IMMP1L: variants seen among roughly 807,000 people sequenced by gnomAD.
The protein encoded by IMMP1L is mitochondrial inner membrane protease subunit 1.
Under a neutral mutation model 21.8 loss-of-function variants are expected in IMMP1L, and 24 were observed. That is an observed-to-expected ratio of 1.10 (90% CI 0.80 to 1.55). IMMP1L has a LOEUF of 1.55. IMMP1L is among the 40% of genes most tolerant of loss of function. The pLI is 0.00. For synonymous variants in IMMP1L, 46 were observed against 62.8 expected, an observed-to-expected ratio of 0.73 and a Z score of 1.26; for missense variants, 195 against 200.7, an observed-to-expected ratio of 0.97 and a Z score of 0.17.
chr11:31,508,054 T>A (rs1955837030), intron 1 of IMMP1L, among the ~76,000 whole-genome samples: 1 of 152,108 alleles, frequency 6.6e-6, no homozygotes, highest in African/African-American at 2.4e-5. Flanking sequence ...AGCTAATGGA[T>A]GCTGGGCTTA....
chr11:31,470,142 C>A (rs1368343635), intron 1 of IMMP1L, among the ~76,000 whole-genome samples: 4 of 152,172 alleles, frequency 2.6e-5, no homozygotes, highest in Non-Finnish European at 5.9e-5. Flanking sequence ...GGGCTGGGTG[C>A]AGTGGCTCAT....
At chr11:31,484,873 T>G (rs1364466260) in intron 1 of IMMP1L, among the ~76,000 whole-genome samples, 1 of 151,914 alleles carries the variant, frequency 6.6e-6, no homozygotes, top group South Asian at 2.1e-4. Context: ...CAGATGCAAA[T>G]GTAAAATTTG....
intron 1 of IMMP1L, among the ~76,000 whole-genome samples, chr11:31,464,708 A>G (rs1297030995): frequency 6.6e-6 from 1 of 152,226 alleles, no homozygotes; most frequent in African/African-American, 2.4e-5. Flanking sequence ...ATCTCAATAG[A>G]TGCAGAAAAA....
intron 1 of IMMP1L, among the ~76,000 whole-genome samples, chr11:31,500,279 C>T (rs1270920589): frequency 6.6e-6 from 1 of 151,720 alleles, no homozygotes; most frequent in Non-Finnish European, 1.5e-5. Context: ...AAAGAGCCAA[C>T]ATTTAAGGAA....
intron 4 of IMMP1L, chr11:31,437,276 C>A (rs1283657945): frequency 6.7e-6 from 2 of 299,422 alleles, no homozygotes; most frequent in Admixed American, 7.5e-5. Flanking sequence ...TTCATATACA[C>A]CTCATATATA....
At chr11:31,478,769 T>C (rs1403659667) in intron 1 of IMMP1L, among the ~76,000 whole-genome samples, 2 of 152,158 alleles carry the variant, frequency 1.3e-5, no homozygotes, top group East Asian at 3.8e-4. Flanking sequence ...CCATTTTAAA[T>C]AAAATATGTA....
chr11:31,440,491 A>G (rs533887095), intron 4 of IMMP1L, among the ~76,000 whole-genome samples: 19 of 152,250 alleles, frequency 1.2e-4, no homozygotes, highest in African/African-American at 4.1e-4. Flanking sequence ...CCCAGGCTCA[A>G]GCGATTCTCC....
chr11:31,491,296 A>G (rs1017489812), intron 1 of IMMP1L, among the ~76,000 whole-genome samples: 8 of 152,238 alleles, frequency 5.3e-5, no homozygotes, highest in African/African-American at 9.6e-5. Context: ...AGAGGTAAAG[A>G]AAGCTATCAC....
chr11:31,489,105 G>A (rs1955174310), intron 1 of IMMP1L, among the ~76,000 whole-genome samples: 1 of 151,912 alleles, frequency 6.6e-6, no homozygotes, highest in Non-Finnish European at 1.5e-5. Context: ...CACCGTGTTA[G>A]CCAGGATGCT....
At chr11:31,454,449 CA>C (rs71463320) in intron 4 of IMMP1L, among the ~76,000 whole-genome samples, 4,741 of 30,150 alleles carry the variant, frequency 0.16, 61 homozygotes, top group African/African-American at 0.31. Context: ...AAGACCATGT[CA>C]AAAAAAAAAA....
At chr11:31,487,961 A>G (rs907724465) in intron 1 of IMMP1L, among the ~76,000 whole-genome samples, 11 of 152,148 alleles carry the variant, frequency 7.2e-5, no homozygotes, top group African/African-American at 2.7e-4. Flanking sequence ...AATGTAGCCA[A>G]AGATTCCCCT....
chr11:31,442,554 C>G (rs1953373535), intron 4 of IMMP1L, among the ~76,000 whole-genome samples: 1 of 152,178 alleles, frequency 6.6e-6, no homozygotes, highest in African/African-American at 2.4e-5. Context: ...ATCCTAAGAA[C>G]AGACTGATTT....
At chr11:31,494,046 G>C (rs995611292) in intron 1 of IMMP1L, among the ~76,000 whole-genome samples, 4 of 152,180 alleles carry the variant, frequency 2.6e-5, no homozygotes, top group Admixed American at 2.6e-4. Context: ...CTACCATTCC[G>C]GGGTCTGGAG....
intron 4 of IMMP1L, among the ~76,000 whole-genome samples, chr11:31,451,369 T>C (rs1389581578): frequency 2.0e-5 from 3 of 152,142 alleles, no homozygotes; most frequent in Non-Finnish European, 4.4e-5. Flanking sequence ...CAAAAATTAT[T>C]GCAACAAAAT....
intron 1 of IMMP1L, among the ~76,000 whole-genome samples, chr11:31,496,772 G>A (rs1181744287): frequency 6.8e-6 from 1 of 147,364 alleles, no homozygotes; most frequent in African/African-American, 2.5e-5. Context: ...ATCTGATATA[G>A]GATAATCATA....
At chr11:31,451,039 T>A (rs1256919234) in intron 4 of IMMP1L, among the ~76,000 whole-genome samples, 3 of 152,186 alleles carry the variant, frequency 2.0e-5, no homozygotes, top group Admixed American at 6.5e-5. Context: ...CTGTCACAAC[T>A]ATTCAACTTT....
intron 4 of IMMP1L, among the ~76,000 whole-genome samples, chr11:31,443,084 G>A (rs1953396255): frequency 6.6e-6 from 1 of 152,120 alleles, no homozygotes; most frequent in South Asian, 2.1e-4. Context: ...CAAAAAAGCA[G>A]TATCAAGTTA....
intron 1 of IMMP1L, among the ~76,000 whole-genome samples, chr11:31,506,833 G>C (rs191501104): frequency 2.9e-4 from 44 of 151,832 alleles, no homozygotes; most frequent in African/African-American, 9.9e-4. Context: ...GGTGGTGCAT[G>C]CCTGTAGTCC....
At chr11:31,479,437 G>A (rs1453123392) in intron 1 of IMMP1L, among the ~76,000 whole-genome samples, 1 of 152,004 alleles carries the variant, frequency 6.6e-6, no homozygotes, top group East Asian at 1.9e-4. Flanking sequence ...CATAGCACAT[G>A]AATATTCTTT....
Sources: gnomAD v4.1 joint callset for allele counts (sites outside exome capture counted in the v4.1 genomes callset) on GRCh38, gnomAD v4.1.1 for gene constraint, MANE v1.5 for transcripts, NCBI Gene and HGNC (gene_info 2026-07-23, HGNC 2026-07-21) for gene names.